The following ZBED6 variants were observed in gnomAD, a reference collection of about 807,000 sequenced individuals.
The protein encoded by ZBED6 is zinc finger BED domain-containing protein 6.
A neutral mutation model predicts 58.4 loss-of-function variants in ZBED6; 40 were observed. The observed-to-expected ratio is 0.68, with a 90% CI of 0.53 to 0.89. The LOEUF (loss-of-function observed/expected upper bound fraction) is 0.89, where lower values mean the gene tolerates loss of function less well. Ranked by LOEUF, ZBED6 falls within the 40% of genes least tolerant of loss-of-function variation. ZBED6 has a pLI of 0.00. For missense variants in ZBED6, 1,057 were observed against 1,003.9 expected (o/e 1.05, Z -0.71); for synonymous variants, 439 against 350.6 (o/e 1.25, Z -2.82).
intron 9 of ZBED6, chr1:203,834,228 T>C (rs771302846): frequency 4.3e-5 from 13 of 304,056 alleles, no homozygotes; most frequent in Non-Finnish European, 6.3e-5. Context: ...GAAGAAAGTA[T>C]GTATATATAA....
intron 14 of ZBED6, 82 bp downstream of exon 14, chr1:203,850,108 A>G: frequency 7.7e-7 from 1 of 1,296,486 alleles, no homozygotes; most frequent in Non-Finnish European, 1.1e-6. Flanking sequence ...ACTTCCTGGC[A>G]ACAATTGGGT....
chr1:203,800,378 C>A, exon 1 of ZBED6: 1 of 991,774 alleles, frequency 1.0e-6, no homozygotes, highest in Non-Finnish European at 1.5e-6. Context: ...AAAATGTTAA[C>A]TACGATTATT....
intron 11 of ZBED6, among the ~76,000 whole-genome samples, chr1:203,846,593 A>C (rs1226673284): frequency 6.6e-6 from 1 of 152,204 alleles, no homozygotes; most frequent in East Asian, 1.9e-4. Flanking sequence ...TGTAAATTAC[A>C]TGTGGACAGA....
At chr1:203,834,861 C>G (rs1683734581) in intron 9 of ZBED6, among the ~76,000 whole-genome samples, 1 of 152,194 alleles carries the variant, frequency 6.6e-6, no homozygotes, top group African/African-American at 2.4e-5. Context: ...CCAGGCTGGT[C>G]TCGAACTCCT....
intron 1 of ZBED6, among the ~76,000 whole-genome samples, chr1:203,804,120 T>C (rs1671368184): frequency 6.6e-6 from 1 of 151,842 alleles, no homozygotes. Context: ...ATGTGGGTCT[T>C]GCATACTTCT....
In ZBED6 at chr1:203,852,133, T is replaced by C; in HGVS notation, c.*4874-8T>C. Reference sequence around the variant, plus strand: ...GGCAGTTTTCTAATAATCTTTTTTTTCTTACAGTCTTGTGCTGCCTCCAAC... The same window carrying C: ...GGCAGTTTTCTAATAATCTTTTTTTCCTTACAGTCTTGTGCTGCCTCCAAC... On this transcript the variant is annotated splice_polypyrimidine_tract_variant and splice_region_variant and intron_variant, in intron 16 of 16. Coordinates refer to ENST00000550078, the Ensembl canonical transcript of ZBED6. The C allele has an allele frequency of 1.9e-6, 3 of 1,613,170 alleles. No individual in the cohort carries two copies. The highest frequency in any genetic ancestry group is 2.5e-6 in the Non-Finnish European group (3 of 1,179,730).
At chr1:203,845,613 C>A (rs1157401146) in intron 11 of ZBED6, among the ~76,000 whole-genome samples, 1 of 152,146 alleles carries the variant, frequency 6.6e-6, no homozygotes, top group Non-Finnish European at 1.5e-5. Flanking sequence ...GCCTGTAATC[C>A]CAGCACTTTG....
intron 12 of ZBED6, 64 bp downstream of exon 12, chr1:203,847,751 G>A: frequency 6.4e-7 from 1 of 1,555,688 alleles, no homozygotes; most frequent in Non-Finnish European, 8.6e-7. Flanking sequence ...AGTGTTCCGT[G>A]GGATCTTCCT....
intron 11 of ZBED6, among the ~76,000 whole-genome samples, chr1:203,840,965 T>C (rs1685936720): frequency 6.6e-6 from 1 of 152,018 alleles, no homozygotes; most frequent in South Asian, 2.1e-4. Context: ...AACTTAAATA[T>C]ACAATAAAAA....
chr1:203,797,687 G>C, exon 1 of ZBED6: 1 of 1,535,702 alleles, frequency 6.5e-7, no homozygotes, highest in Non-Finnish European at 8.7e-7. Context: ...TGAATAAAGA[G>C]GCAAAACAGC....
At chr1:203,852,424 A>T (rs757429307) in exon 17 of ZBED6, 2 of 1,605,330 alleles carry the variant, frequency 1.2e-6, no homozygotes, top group South Asian at 2.2e-5. Flanking sequence ...ACACTTTAAA[A>T]AAAAAATCGC....
Position 203,843,490 on chromosome 1 carries a change from A to G in ZBED6, c.*3741+3116A>G, listed in dbSNP as rs373615106. On this transcript the variant is annotated intron_variant, in intron 11 of 16. Coordinates refer to ENST00000550078, the Ensembl canonical transcript of ZBED6. The stretch of plus-strand genomic sequence containing the variant: ...GCTAACCTTCTGTGAGCTTTGTTCA[A>G]CTTTATTTTTTAGACAAGGAATTGA... 3.8e-3 allele frequency among the ~76,000 whole-genome samples: 586 copies of G among 152,228 alleles called. 2 individuals are homozygous for G. Among genetic ancestry groups the G allele is most frequent in the Middle Eastern group, 0.031 (9 of 294 alleles).
At chr1:203,804,222 A>G (rs1188033899) in intron 1 of ZBED6, among the ~76,000 whole-genome samples, 3 of 142,898 alleles carry the variant, frequency 2.1e-5, no homozygotes, top group Non-Finnish European at 3.0e-5. Context: ...CGTGATCTCG[A>G]TTCACTGCAA....
chr1:203,817,202 AGTT>A (rs1676640179), intron 2 of ZBED6, 78 bp downstream of exon 2: 8 of 1,267,518 alleles, frequency 6.3e-6, no homozygotes, highest in Non-Finnish European at 8.7e-6. Flanking sequence ...CAACATTTTA[AGTT>A]GTTTTTATTA....
intron 10 of ZBED6, among the ~76,000 whole-genome samples, chr1:203,838,358 T>C (rs1480390418): frequency 6.6e-6 from 1 of 152,224 alleles, no homozygotes; most frequent in Non-Finnish European, 1.5e-5. Context: ...TGGTAACACA[T>C]AGGAGAGGCA....
At chr1:203,797,918 C>T (rs1319260142) in exon 1 of ZBED6, 1 of 1,535,702 alleles carries the variant, frequency 6.5e-7, no homozygotes, top group African/African-American at 1.4e-5. Context: ...GAGCCAAGAC[C>T]TCCATTGTGT....
At chr1:203,803,826 C>T (rs1671271036) in intron 1 of ZBED6, among the ~76,000 whole-genome samples, 2 of 152,048 alleles carry the variant, frequency 1.3e-5, no homozygotes, top group African/African-American at 4.8e-5. Flanking sequence ...AGGCTGTTCT[C>T]AAACTCCTGG....
At chr1:203,810,006 G>T (rs779717665) in intron 1 of ZBED6, among the ~76,000 whole-genome samples, 1 of 152,058 alleles carries the variant, frequency 6.6e-6, no homozygotes, top group Non-Finnish European at 1.5e-5. Flanking sequence ...TGGCAACCTA[G>T]ATACTTTTTT....
intron 4 of ZBED6, 76 bp downstream of exon 4, chr1:203,828,498 A>G: frequency 6.7e-7 from 1 of 1,501,930 alleles, no homozygotes; most frequent in Non-Finnish European, 9.0e-7. Flanking sequence ...TACTTTTCAG[A>G]CATTGACTCC....
Sources: allele counts gnomAD v4.1 joint callset (sites outside exome capture counted in the v4.1 genomes callset), GRCh38; gene constraint gnomAD v4.1.1; transcripts MANE v1.5; gene names NCBI Gene and HGNC (gene_info 2026-07-23, HGNC 2026-07-21).